F2: variants seen among roughly 807,000 people sequenced by gnomAD.
The protein encoded by F2 is coagulation factor II, thrombin, also known as prothrombin.
In F2, 34 loss-of-function variants were observed where a neutral mutation model predicts 81.9. That is an observed-to-expected ratio of 0.42 (90% CI 0.32 to 0.55). The LOEUF (loss-of-function observed/expected upper bound fraction) is 0.55, where lower values mean the gene tolerates loss of function less well. Ranked by LOEUF, F2 falls within the 20% of genes least tolerant of loss-of-function variation. The pLI is 0.18. For missense variants in F2, 630 were observed against 833.4 expected, an observed-to-expected ratio of 0.76 and a Z score of 3.00; for synonymous variants, 296 against 326.4, an observed-to-expected ratio of 0.91 and a Z score of 1.01.
intron 12 of F2, among the ~76,000 whole-genome samples, chr11:46,737,713 C>T (rs1365910499): frequency 3.9e-5 from 6 of 152,118 alleles, no homozygotes; most frequent in Admixed American, 6.6e-5. Flanking sequence ...GCTGGTATTA[C>T]GGGCGTGAGC....
chr11:46,736,740 G>A (rs3136499), intron 12 of F2, among the ~76,000 whole-genome samples: 21,356 of 152,222 alleles, frequency 0.14, 2,463 homozygotes, highest in East Asian at 0.59. Context: ...ACATAGCTGG[G>A]AAGGCTAATG....
In F2 at chr11:46,728,038, T is replaced by A; in HGVS notation, c.1173T>A (p.Cys391Ter). The change falls in exon 10 of 14, where the codon TGT becomes TGA. Residue 391 changes from cysteine (C) to a stop codon, truncating the protein, a stop_gained. Transcript: ENST00000311907. LOFTEE classifies it high-confidence loss of function. The surrounding 1 kb of genome is among the most constrained non-coding windows in gnomAD (Gnocchi z 5.1). Reference sequence around the variant, plus strand: ...GGAAGAGTCCCCAGGAGCTGCTGTGTGGGGCCAGCCTCATCAGTGACCGCT... The same window carrying A: ...GGAAGAGTCCCCAGGAGCTGCTGTGAGGGGCCAGCCTCATCAGTGACCGCT... ...LFRKSPQELL[C>*]GASLISDRWV... The A allele has an allele frequency of 6.2e-7, 1 of 1,610,806 alleles. No individual in the cohort carries two copies. The highest frequency in any genetic ancestry group is 8.5e-7 in the Non-Finnish European group (1 of 1,178,960).
At chr11:46,733,682 T>C (rs143235043) in intron 12 of F2, among the ~76,000 whole-genome samples, 1,988 of 152,220 alleles carry the variant, frequency 0.013, 47 homozygotes, top group African/African-American at 0.045. Flanking sequence ...TTTTAAATTT[T>C]TACCAATCTG....
rs1354143839 is a variant in F2 at position 46,726,011 on chromosome 11, G to GC, written c.714dup (p.Ser239GlnfsTer31). ...ACATGGGCTCCCCTGCCTGGCCTGGGCCAGCGCACAGGCCAAGGCCCTGAG... is the reference window on the plus strand; with the variant it reads ...ACATGGGCTCCCCTGCCTGGCCTGGGCCCAGCGCACAGGCCAAGGCCCTGAG... On this transcript the variant is annotated frameshift_variant, in exon 7 of 14. Transcript: ENST00000311907. LOFTEE classifies it high-confidence loss of function. This position sits in a 1 kb window ranked among gnomAD's most constrained non-coding sequence, Gnocchi z 5.9. The GC allele has an allele frequency of 1.2e-6, 2 of 1,613,884 alleles. No homozygotes were observed.
Position 46,726,398 on chromosome 11 carries a change from C to T in F2, c.875-100C>T, listed in dbSNP as rs1225953179. 1.9e-6 allele frequency: 3 copies of T among 1,550,632 alleles called. No individual in the cohort carries two copies. Among genetic ancestry groups the T allele is most frequent in the Non-Finnish European group, 1.7e-6 (2 of 1,147,014 alleles). On this transcript the variant is annotated intron_variant, in intron 7 of 13. Transcript: ENST00000311907. The surrounding 1 kb of genome is among the most constrained non-coding windows in gnomAD (Gnocchi z 5.9). ...ACTGTGCATGCACGCTTAACCTCTG[C>T]ACCAAATGGCCTCCAAGGCCCGTAG...
intron 12 of F2, among the ~76,000 whole-genome samples, chr11:46,737,615 T>C (rs1047921320): frequency 6.6e-6 from 1 of 150,532 alleles, no homozygotes; most frequent in African/African-American, 2.5e-5. Context: ...TAATTTTTTG[T>C]ATTTAGTAGA....
rs776618390 is a variant in F2 at position 46,739,352 on chromosome 11, CAT to C, written c.1814_1815del (p.His605ArgfsTer13). 39 of 1,614,032 alleles carry C rather than the reference CAT, an allele frequency of 2.4e-5. No homozygotes were observed. The highest frequency in any genetic ancestry group is 2.7e-5 in the Non-Finnish European group (32 of 1,180,038). On this transcript the variant is annotated frameshift_variant, in exon 14 of 14. Coordinates refer to ENST00000311907, the MANE Select transcript of F2 (RefSeq NM_000506.5). LOFTEE classifies it high-confidence loss of function. ...GGATGGGAAATATGGCTTCTACACA[CAT>C]GTGTTCCGCCTGAAGAAGTGGATAC... is the stretch of plus-strand genomic sequence containing the variant. ...DRDGKYGFYTHVFRLKKWIQK... is the reference protein window; with the variant it reads ...DRDGKYGFYTXVFRLKKWIQK...
chr11:46,720,540 G>A lies in F2; in HGVS notation c.258G>A (p.Lys86=). The change falls in exon 3 of 14, where the codon AAG becomes AAA. Residue 86 remains lysine, a synonymous_variant. Coordinates refer to ENST00000311907, the MANE Select transcript of F2 (RefSeq NM_000506.5). Reference sequence around the variant, plus strand: ...TTTTTCAGGATGTGTTCTGGGCCAAGTACACAGGTGAGCACCGGGAAGGAT... The same window carrying A: ...TTTTTCAGGATGTGTTCTGGGCCAAATACACAGGTGAGCACCGGGAAGGAT... The part of the protein sequence containing the change: ...SSTATDVFWA[K]YTACETARTP... The A allele has an allele frequency of 6.2e-7, 1 of 1,614,150 alleles. No individual in the cohort carries two copies. Among genetic ancestry groups the A allele is most frequent in the Non-Finnish European group, 8.5e-7 (1 of 1,180,038 alleles).
intron 12 of F2, among the ~76,000 whole-genome samples, chr11:46,731,286 C>T (rs1322962987): frequency 1.3e-5 from 2 of 148,940 alleles, no homozygotes; most frequent in Admixed American, 1.4e-4. Flanking sequence ...AGTGCAGTGG[C>T]ATGGTCTCGG....
intron 2 of F2, chr11:46,720,271 G>T (rs1204172900): frequency 5.1e-6 from 3 of 584,624 alleles, no homozygotes; most frequent in African/African-American, 1.9e-5. Context: ...CTCTGCCAGG[G>T]TCCCACTGCC....
intron 12 of F2, among the ~76,000 whole-genome samples, chr11:46,731,933 T>G (rs1472580205): frequency 6.8e-5 from 10 of 146,746 alleles, no homozygotes; most frequent in African/African-American, 2.0e-4. Flanking sequence ...TTTTTTTTTT[T>G]TGTGATGGAG....
At chr11:46,729,311 A>C (rs2064895753) in intron 11 of F2, 69 bp from the exon 12 acceptor site, 18 of 1,543,748 alleles carry the variant, frequency 1.2e-5, no homozygotes, top group Non-Finnish European at 1.5e-5. Flanking sequence ...GGTCTCTAAG[A>C]AATGGCGTTG....
chr11:46,726,296 A>AG lies in F2; in HGVS notation c.874+125dup. On this transcript the variant is annotated intron_variant, in intron 7 of 13. Transcript: ENST00000311907. This position sits in a 1 kb window ranked among gnomAD's most constrained non-coding sequence, Gnocchi z 5.9. ...CGCTCATTACAGCCTTACAGTAACC[A>AG]GGTGGGGGGTAAGGTCCTGTGCCCA... The AG allele has an allele frequency of 6.9e-7, 1 of 1,446,336 alleles. No individual in the cohort carries two copies. The highest frequency in any genetic ancestry group is 9.4e-7 in the Non-Finnish European group (1 of 1,062,302). The allele number at this position is 1,446,336 out of a possible 1,614,324, so 89.6% of individuals were successfully genotyped here.
In F2 at chr11:46,719,329, GCAGGCTGGAA is replaced by G. The variant is rs1565700442; in HGVS notation, c.79+25_79+34del. ...CAGCCAGCATGGTAAGGGAGTGCTTGCAGGCTGGAACAGGCTGGAGGACTGGGGTGTGGGC... is the reference window on the plus strand; with the variant it reads ...CAGCCAGCATGGTAAGGGAGTGCTTGCAGGCTGGAGGACTGGGGTGTGGGC... On this transcript the variant is annotated intron_variant, in intron 1 of 13. Transcript: ENST00000311907. This position sits in a 1 kb window ranked among gnomAD's most constrained non-coding sequence, Gnocchi z 4.7. 3.7e-6 allele frequency: 6 copies of G among 1,610,086 alleles called. No homozygotes were observed. Among genetic ancestry groups the G allele is most frequent in the African/African-American group, 1.3e-5 (1 of 74,962 alleles).
At chr11:46,733,782 C>CTTTT (rs34296052) in intron 12 of F2, among the ~76,000 whole-genome samples, 100 of 89,768 alleles carry the variant, frequency 1.1e-3, no homozygotes, top group East Asian at 1.9e-3. Flanking sequence ...GATTAAGGAC[C>CTTTT]TTTTTTTTTT....
At chr11:46,722,544 T>C (rs1204550872) in intron 4 of F2, among the ~76,000 whole-genome samples, 3 of 152,212 alleles carry the variant, frequency 2.0e-5, no homozygotes, top group Admixed American at 6.5e-5. Context: ...GCTGAGATCA[T>C]GCCACTGCAC....
chr11:46,719,410 C>A lies in F2; in HGVS notation c.79+96C>A. ...GCTGGACAGAGCACACAGAGCTGGC[C>A]CCTAAGTAGGTCTCAGCCCCAGGCG... On this transcript the variant is annotated intron_variant, in intron 1 of 13. Coordinates refer to ENST00000311907, the MANE Select transcript of F2 (RefSeq NM_000506.5). This position sits in a 1 kb window ranked among gnomAD's most constrained non-coding sequence, Gnocchi z 4.7. The A allele has an allele frequency of 1.4e-6, 2 of 1,418,410 alleles. No homozygotes were observed. The highest frequency in any genetic ancestry group is 1.9e-6 in the Non-Finnish European group (2 of 1,028,168). The allele number at this position is 1,418,410 out of a possible 1,614,324, so 87.9% of individuals were successfully genotyped here.
chr11:46,720,319 GGT>G (rs1198455900), intron 2 of F2: 4 of 635,348 alleles, frequency 6.3e-6, no homozygotes, highest in African/African-American at 3.6e-5. Flanking sequence ...TTTCAGTCTC[GGT>G]GTGTGTGTTG....
At chr11:46,729,261 T>C in intron 11 of F2, 119 bp from the exon 12 acceptor site, 2 of 1,166,910 alleles carry the variant, frequency 1.7e-6, no homozygotes, top group Non-Finnish European at 2.4e-6. Context: ...ACCACAGGCG[T>C]GAACGTCTGT....
Sources: gnomAD v4.1 joint callset for allele counts (sites outside exome capture counted in the v4.1 genomes callset) on GRCh38, gnomAD v4.1.1 for gene constraint, Gnocchi (gnomAD v3.1) non-coding constraint, MANE v1.5 for transcripts, NCBI Gene and HGNC (gene_info 2026-07-23, HGNC 2026-07-21) for gene names.